Variants in ARHGAP24 observed in about 807,000 individuals in gnomAD.
ARHGAP24 encodes Rho GTPase activating protein 24, also known as rho GTPase-activating protein 24.
In ARHGAP24, 50 loss-of-function variants were observed where a neutral mutation model predicts 76.4. That is an observed-to-expected ratio of 0.65 (90% confidence interval 0.52 to 0.83). The LOEUF (loss-of-function observed/expected upper bound fraction) is 0.83, where lower values mean the gene tolerates loss of function less well. Ranked by LOEUF, ARHGAP24 falls within the 40% of genes least tolerant of loss-of-function variation. The pLI is 0.00. For synonymous variants in ARHGAP24, 345 were observed against 323.3 expected, an observed-to-expected ratio of 1.07 and a Z score of -0.72; for missense variants, 930 against 914.2, an observed-to-expected ratio of 1.02 and a Z score of -0.22.
chr4:85,908,093 T>C (rs1248577538), intron 3 of ARHGAP24, among the ~76,000 whole-genome samples: 1 of 151,530 alleles, frequency 6.6e-6, no homozygotes, highest in Non-Finnish European at 1.5e-5. Context: ...AATCCTCACA[T>C]GTCCTTATAT....
At chr4:85,705,138 A>G (rs549393509) in intron 2 of ARHGAP24, among the ~76,000 whole-genome samples, 1 of 152,190 alleles carries the variant, frequency 6.6e-6, no homozygotes, top group Non-Finnish European at 1.5e-5. Flanking sequence ...TTGAATTATG[A>G]TCTACCATTG....
At chr4:85,996,732 A>G (rs1018095104) in intron 9 of ARHGAP24, among the ~76,000 whole-genome samples, 3 of 152,164 alleles carry the variant, frequency 2.0e-5, no homozygotes, top group East Asian at 3.9e-4. Context: ...AGGAGATTTA[A>G]AGAAAAATAT....
intron 2 of ARHGAP24, among the ~76,000 whole-genome samples, chr4:85,634,310 TA>T (rs1329558423): frequency 6.6e-6 from 1 of 151,896 alleles, no homozygotes; most frequent in Non-Finnish European, 1.5e-5. Context: ...TAATATTCCT[TA>T]AATACTCTAT....
At chr4:85,764,066 A>G (rs1049011186) in intron 3 of ARHGAP24, among the ~76,000 whole-genome samples, 2 of 152,188 alleles carry the variant, frequency 1.3e-5, no homozygotes, top group African/African-American at 2.4e-5. Flanking sequence ...TCAAATATAC[A>G]TATGTATAAT....
rs559092908 is a variant in ARHGAP24 at position 85,829,869 on chromosome 4, A to G, written c.269-93779A>G. 4.9e-4 allele frequency among the ~76,000 whole-genome samples: 75 copies of G among 152,356 alleles called. 1 individual carries two copies. Among genetic ancestry groups the G allele is most frequent in the Non-Finnish European group, 9.1e-4 (62 of 68,036 alleles). On this transcript the variant is annotated intron_variant, in intron 3 of 9. Transcript: ENST00000395184. ...AAGTAAGTCACCTATTTGATGAATC[A>G]TAATCAGTGTATACAGCCAAGAAAA...
chr4:85,934,303 C>T (rs140034100), intron 4 of ARHGAP24, among the ~76,000 whole-genome samples: 111 of 152,188 alleles, frequency 7.3e-4, no homozygotes, highest in African/African-American at 2.4e-3. Context: ...ATTCCCCAGA[C>T]TATTTCATCC....
At position 85,781,576 on chromosome 4, in the gene ARHGAP24, A is replaced by G. The variant is rs1441758576; in HGVS notation, c.268+59604A>G. Among the ~76,000 whole-genome samples, 3 of 152,038 alleles carry G rather than the reference A, an allele frequency of 2.0e-5. No individual in the cohort carries two copies. The East Asian group carries it at 5.8e-4, about 29-fold the overall frequency. ...GAAGCTCATTTTTCTTTAATTTTTA[A>G]AAAAATACAAGTTTCACCTAGTCAC... On this transcript the variant is annotated intron_variant, in intron 3 of 9. Coordinates refer to ENST00000395184, the MANE Select transcript of ARHGAP24 (RefSeq NM_001025616.3).
At chr4:85,482,305 C>T (rs1239876042) in intron 1 of ARHGAP24, among the ~76,000 whole-genome samples, 1 of 152,200 alleles carries the variant, frequency 6.6e-6, no homozygotes, top group Non-Finnish European at 1.5e-5. Context: ...CAGATCTCTG[C>T]TTTCTCACAT....
At chr4:85,603,687 A>G (rs1720105634) in intron 2 of ARHGAP24, among the ~76,000 whole-genome samples, 1 of 152,176 alleles carries the variant, frequency 6.6e-6, no homozygotes. Context: ...AGATTTATTC[A>G]TTCATTCATT....
chr4:85,844,403 C>G (rs185613715), intron 3 of ARHGAP24, among the ~76,000 whole-genome samples: 1 of 152,302 alleles, frequency 6.6e-6, no homozygotes, highest in Non-Finnish European at 1.5e-5. Flanking sequence ...AACTTTCCCC[C>G]TAAACAAAAG....
chr4:85,734,282 G>C (rs1725522111), intron 3 of ARHGAP24, among the ~76,000 whole-genome samples: 1 of 152,076 alleles, frequency 6.6e-6, no homozygotes. Context: ...TTAGTGTTTT[G>C]TTTTGTTTTG....
intron 2 of ARHGAP24, among the ~76,000 whole-genome samples, chr4:85,662,437 G>A (rs916809754): frequency 6.6e-6 from 1 of 150,784 alleles, no homozygotes; most frequent in African/African-American, 2.5e-5. Flanking sequence ...AGATGAGTTC[G>A]TTGCGAAAAT....
At chr4:85,947,202 G>T (rs1737330765) in intron 5 of ARHGAP24, among the ~76,000 whole-genome samples, 1 of 152,014 alleles carries the variant, frequency 6.6e-6, no homozygotes, top group African/African-American at 2.4e-5. Context: ...TTGTTGACTT[G>T]TTTAAGTTCC....
intron 1 of ARHGAP24, among the ~76,000 whole-genome samples, chr4:85,556,252 T>C (rs1578032368): frequency 6.6e-6 from 1 of 152,122 alleles, no homozygotes; most frequent in South Asian, 2.1e-4. Context: ...TTCCCCAGAC[T>C]GAGGGCATCA....
At chr4:85,792,132 A>G (rs1221116588) in intron 3 of ARHGAP24, among the ~76,000 whole-genome samples, 1 of 144,352 alleles carries the variant, frequency 6.9e-6, no homozygotes, top group Admixed American at 6.8e-5. Context: ...AATTTGTCCT[A>G]ACAATCAGGC....
intron 3 of ARHGAP24, among the ~76,000 whole-genome samples, chr4:85,741,377 T>TCAGAG (rs1725820534): frequency 6.6e-6 from 1 of 152,236 alleles, no homozygotes; most frequent in South Asian, 2.1e-4. Context: ...GGTTTTAAAA[T>TCAGAG]AAATAAATAC....
At chr4:85,765,509 G>T (rs1050061356) in intron 3 of ARHGAP24, among the ~76,000 whole-genome samples, 2 of 152,024 alleles carry the variant, frequency 1.3e-5, no homozygotes, top group Non-Finnish European at 2.9e-5. Context: ...CATGAAAAGG[G>T]TTTATATATT....
chr4:85,610,451 C>CAAAAAAAAAAAAAAAAA lies in ARHGAP24; in HGVS notation c.180+39745_180+39761dup, dbSNP rs57348830. On this transcript the variant is annotated intron_variant, in intron 2 of 9. Coordinates refer to ENST00000395184, the MANE Select transcript of ARHGAP24 (RefSeq NM_001025616.3). ...AGAGTGAGGAGTGAGACTCCATCTA[C>CAAAAAAAAAAAAAAAAA]AAAAAAAAAAAAAAAAAAAAAAAAA... is the stretch of plus-strand genomic sequence containing the variant. 1.4e-4 allele frequency among the ~76,000 whole-genome samples: 7 copies of CAAAAAAAAAAAAAAAAA among 51,240 alleles called. 2 individuals carry two copies. The highest frequency in any genetic ancestry group is 4.8e-4 in the African/African-American group (6 of 12,376). 33.6% of individuals were successfully genotyped at this position (51,240 alleles called of 152,430 possible). A position where few individuals can be genotyped will look rare whatever the true frequency, so the allele number is the denominator to read the frequency against.
intron 2 of ARHGAP24, among the ~76,000 whole-genome samples, chr4:85,605,519 A>T (rs1720164965): frequency 6.6e-6 from 1 of 152,212 alleles, no homozygotes; most frequent in South Asian, 2.1e-4. Context: ...TATGGGAATG[A>T]TTAAATAGAT....
Sources: allele counts gnomAD v4.1 joint callset (sites outside exome capture counted in the v4.1 genomes callset), GRCh38; gene constraint gnomAD v4.1.1; transcripts MANE v1.5; gene names NCBI Gene and HGNC (gene_info 2026-07-23, HGNC 2026-07-21).